SLC17A4: variants seen among roughly 807,000 people sequenced by gnomAD.
SLC17A4 encodes solute carrier family 17 member 4.
Under a neutral mutation model 52.5 loss-of-function variants are expected in SLC17A4, and 33 were observed. The ratio of observed to expected loss-of-function variants is 0.63; its 90% CI spans 0.48 to 0.84. The LOEUF (loss-of-function observed/expected upper bound fraction) is 0.84, where lower values mean the gene tolerates loss of function less well. Ranked by LOEUF, SLC17A4 falls within the 40% of genes least tolerant of loss-of-function variation. The pLI is 0.00. For missense variants in SLC17A4, 585 were observed against 597.1 expected, an observed-to-expected ratio of 0.98 and a Z score of 0.21; for synonymous variants, 225 against 216.2, an observed-to-expected ratio of 1.04 and a Z score of -0.36.
At chr6:25,758,928 C>T (rs908573330) in intron 1 of SLC17A4, among the ~76,000 whole-genome samples, 5 of 152,026 alleles carry the variant, frequency 3.3e-5, no homozygotes, top group East Asian at 1.9e-4. Flanking sequence ...TTGATGTAGG[C>T]ATTTAATGGT....
chr6:25,776,056 A>G (rs575911217), intron 8 of SLC17A4, among the ~76,000 whole-genome samples: 14 of 152,264 alleles, frequency 9.2e-5, no homozygotes, highest in Non-Finnish European at 1.9e-4. Context: ...AATGCACTAT[A>G]AACTTTTATA....
rs780527241 is a variant in SLC17A4 at position 25,770,289 on chromosome 6, G to A, written c.520G>A (p.Gly174Ser). ...ALLIVLRIVQ[G>S]IAQVMVLTGQ... The stretch of plus-strand genomic sequence containing the variant: ...GCTCATTGTCCTCCGGATTGTACAA[G>A]GCATAGCCCAGGTACCAAGATGTTT... Residue 174 changes from glycine to serine, a missense_variant, in exon 4 of 12, where the codon GGC (glycine) becomes AGC (serine). Physicochemically the swap from Gly to Ser is moderately conservative, Grantham distance 56 (BLOSUM62 0). Transcript: ENST00000377905. The A allele has an allele frequency of 6.2e-7, 1 of 1,614,054 alleles. No individual in the cohort carries two copies. Among genetic ancestry groups the A allele is most frequent in the South Asian group, 1.1e-5 (1 of 91,086 alleles).
chr6:25,767,211 A>G (rs1476756647), intron 2 of SLC17A4, among the ~76,000 whole-genome samples: 4 of 152,186 alleles, frequency 2.6e-5, no homozygotes, highest in Admixed American at 6.5e-5. Context: ...AAAAAATAGC[A>G]CATACATATG....
At chr6:25,760,638 GTTC>G (rs1761451136) in intron 1 of SLC17A4, among the ~76,000 whole-genome samples, 1 of 151,986 alleles carries the variant, frequency 6.6e-6, no homozygotes, top group African/African-American at 2.4e-5. Flanking sequence ...CATTTTCCAG[GTTC>G]TTAACTTTGC....
intron 8 of SLC17A4, among the ~76,000 whole-genome samples, chr6:25,774,587 C>T (rs1762745103): frequency 6.6e-6 from 1 of 152,170 alleles, no homozygotes; most frequent in Non-Finnish European, 1.5e-5. Flanking sequence ...TAAACCAGAA[C>T]CTTAATCCAG....
At position 25,776,807 on chromosome 6, in the gene SLC17A4, C is replaced by A. The variant is rs1762958783; in HGVS notation, c.1121-5C>A. On this transcript the variant is annotated splice_polypyrimidine_tract_variant and splice_region_variant and intron_variant, in intron 9 of 11. Coordinates refer to ENST00000377905, the MANE Select transcript of SLC17A4 (RefSeq NM_005495.3). Reference sequence around the variant, plus strand: ...GTTTACTCTGTGTTTGTCCTCCTACCCCAGGGGTTCTCTTCCCATCCGTGA... The same window carrying A: ...GTTTACTCTGTGTTTGTCCTCCTACACCAGGGGTTCTCTTCCCATCCGTGA... 2 of 1,613,774 alleles carry A rather than the reference C, an allele frequency of 1.2e-6. No individual in the cohort carries two copies. The highest frequency in any genetic ancestry group is 2.7e-5 in the African/African-American group (2 of 74,890).
rs376073753 is a variant in SLC17A4 at position 25,769,151 on chromosome 6, G to A, written c.258G>A (p.Gln86=). ...ASTERPSTDS[Q]GYWNETLKEF... is the part of the protein sequence containing the mutation. ...CAGAACGGCCCTCCACTGACTCCCA[G>A]GGCTACTGGAATGAAACTCTAAAAG... Residue 86 remains glutamine (Q), a synonymous_variant, in exon 3 of 12, where the codon CAG becomes CAA. Coordinates refer to ENST00000377905, the MANE Select transcript of SLC17A4 (RefSeq NM_005495.3). The A allele has an allele frequency of 1.4e-5, 22 of 1,613,992 alleles. No homozygotes were observed. The South Asian group carries it at 2.1e-4, about 15-fold the overall frequency.
At chr6:25,762,118 T>C (rs1761594711) in intron 2 of SLC17A4, 65 bp downstream of exon 2, 1 of 1,424,940 alleles carries the variant, frequency 7.0e-7, no homozygotes, top group East Asian at 2.4e-5. Context: ...TAACTTGTGG[T>C]ACTAAATAAA....
At chr6:25,776,751 G>A in intron 9 of SLC17A4, 24 bp downstream of exon 9, 1 of 1,613,904 alleles carries the variant, frequency 6.2e-7, no homozygotes, top group Non-Finnish European at 8.5e-7. Flanking sequence ...TGGACACAGG[G>A]GTGAACGTGG....
intron 1 of SLC17A4, among the ~76,000 whole-genome samples, chr6:25,755,048 T>TACACACACACACACACAC (rs35878702): frequency 2.1e-5 from 3 of 144,946 alleles, no homozygotes; most frequent in Admixed American, 6.9e-5. Flanking sequence ...CACACACACA[T>TACACACACACACACACAC]ACACACACAC....
intron 10 of SLC17A4, 89 bp from the exon 11 acceptor site, chr6:25,777,837 A>C (rs1307954514): frequency 9.7e-7 from 1 of 1,035,874 alleles, no homozygotes; most frequent in African/African-American, 1.6e-5. Context: ...CTTTGTTTGC[A>C]CAGGAATATT....
intron 2 of SLC17A4, among the ~76,000 whole-genome samples, chr6:25,763,998 GGTTA>G (rs1761782117): frequency 6.6e-6 from 1 of 152,194 alleles, no homozygotes; most frequent in African/African-American, 2.4e-5. Flanking sequence ...AAGTCAGGTT[GGTTA>G]CTTTCAGAAA....
intron 1 of SLC17A4, among the ~76,000 whole-genome samples, chr6:25,756,325 C>T (rs1413020989): frequency 6.6e-6 from 1 of 152,200 alleles, no homozygotes; most frequent in Non-Finnish European, 1.5e-5. Context: ...TTGCTCAGCG[C>T]TGTCTCCTTC....
At chr6:25,776,388 A>G (rs938445729) in intron 8 of SLC17A4, among the ~76,000 whole-genome samples, 13 of 151,788 alleles carry the variant, frequency 8.6e-5, no homozygotes, top group Non-Finnish European at 1.8e-4. Context: ...ATATATAAAG[A>G]GAGCCTTGTT....
chr6:25,772,835 T>C (rs1020098872), intron 6 of SLC17A4, among the ~76,000 whole-genome samples: 2 of 152,188 alleles, frequency 1.3e-5, no homozygotes, highest in Non-Finnish European at 2.9e-5. Context: ...AAGGGTGCTA[T>C]AGCTTTAATA....
chr6:25,775,594 C>A (rs1343733344), intron 8 of SLC17A4, among the ~76,000 whole-genome samples: 1 of 151,900 alleles, frequency 6.6e-6, no homozygotes, highest in African/African-American at 2.4e-5. Flanking sequence ...TACCACCATG[C>A]CTGGCTAATT....
chr6:25,774,350 C>G (rs902448332), intron 8 of SLC17A4, among the ~76,000 whole-genome samples: 1 of 152,172 alleles, frequency 6.6e-6, no homozygotes, highest in African/African-American at 2.4e-5. Context: ...ATGTTAGTGA[C>G]AGTTCACAAA....
At position 25,762,180 on chromosome 6, in the gene SLC17A4, C is replaced by A. The variant is rs1761599482; in HGVS notation, c.91+127C>A. On this transcript the variant is annotated intron_variant, in intron 2 of 11. Coordinates refer to ENST00000377905, the MANE Select transcript of SLC17A4 (RefSeq NM_005495.3). ...ATACACATCATTTTCCTTGCTACCA[C>A]CAATTGCCAATAATTCTATACGGTT... 27 of 692,218 alleles carry A rather than the reference C, an allele frequency of 3.9e-5. No homozygotes were observed. The South Asian group carries it at 5.5e-4, about 14-fold the overall frequency. 42.9% of individuals were successfully genotyped at this position (692,218 alleles called of 1,614,324 possible).
intron 8 of SLC17A4, among the ~76,000 whole-genome samples, chr6:25,775,627 T>A (rs1304454658): frequency 6.6e-6 from 1 of 151,836 alleles, no homozygotes; most frequent in Admixed American, 6.6e-5. Flanking sequence ...GAGGTCTTGT[T>A]ATATTGGCTA....
Sources: allele counts gnomAD v4.1 joint callset (sites outside exome capture counted in the v4.1 genomes callset), GRCh38; gene constraint gnomAD v4.1.1; transcripts MANE v1.5; gene names NCBI Gene and HGNC (gene_info 2026-07-23, HGNC 2026-07-21).